UBR4: variants seen among roughly 807,000 people sequenced by gnomAD.
The protein encoded by UBR4 is ubiquitin protein ligase E3 component n-recognin 4, also known as E3 ubiquitin-protein ligase UBR4.
Under a neutral mutation model 575.6 loss-of-function variants are expected in UBR4, and 124 were observed. That is an observed-to-expected ratio of 0.22 (90% CI 0.19 to 0.25). The LOEUF (loss-of-function observed/expected upper bound fraction) is 0.25. UBR4 is among the 10% of genes least tolerant of loss of function. The pLI, the probability that UBR4 is intolerant of heterozygous loss-of-function variation, is 1.00. For missense variants in UBR4, 4,818 were observed against 6,478.8 expected (o/e 0.74, Z 8.80); for synonymous variants, 2,455 against 2,473.7 (o/e 0.99, Z 0.22).
chr1:19,104,003 A>G, intron 87 of UBR4, 81 bp downstream of exon 87: 1 of 1,516,898 alleles, frequency 6.6e-7, no homozygotes, highest in South Asian at 1.3e-5. Context: ...GATCTGTGGA[A>G]CTGGGGGAAA....
At chr1:19,092,745 T>C in intron 97 of UBR4, 74 bp downstream of exon 97, 3 of 1,254,644 alleles carry the variant, frequency 2.4e-6, no homozygotes, top group Admixed American at 4.8e-5. Context: ...TTAGGGTAAG[T>C]CATGTCTCAA....
At chr1:19,162,024 A>G in intron 35 of UBR4, 127 bp from the exon 36 acceptor site, 1 of 1,054,470 alleles carries the variant, frequency 9.5e-7, no homozygotes, top group Non-Finnish European at 1.4e-6. Context: ...GTGGAAATCT[A>G]CCACAACTGG....
chr1:19,194,376 T>C (rs868085175), intron 8 of UBR4, among the ~76,000 whole-genome samples: 1 of 152,278 alleles, frequency 6.6e-6, no homozygotes, highest in African/African-American at 2.4e-5. Context: ...TAGTTCCAGT[T>C]ACTCAGGAGG....
chr1:19,208,292 C>T (rs1475533279), intron 1 of UBR4, among the ~76,000 whole-genome samples: 1 of 151,948 alleles, frequency 6.6e-6, no homozygotes, highest in Non-Finnish European at 1.5e-5. Context: ...ATGGTGAAAC[C>T]TCATCTCTAC....
chr1:19,153,834 C>G lies in UBR4; in HGVS notation c.6564G>C (p.Leu2188=), dbSNP rs1463485248. The change falls in exon 45 of 106, where the codon CTG becomes CTC. Residue 2188 remains leucine, a synonymous_variant. Coordinates refer to ENST00000375254, the MANE Select transcript of UBR4 (RefSeq NM_020765.3). This position sits in a 1 kb window ranked among gnomAD's most constrained non-coding sequence, Gnocchi z 4.1. ...AAGTGTCTGGTTTCACCATAACTAC[C>G]AGCGGCACCCCTGTAGTTTGCTGGA... The part of the protein sequence containing the change: ...CCVQQTTGVP[L]VVMVKPDTFL... 6.2e-7 allele frequency: 1 copy of G among 1,614,138 alleles called. No individual in the cohort carries two copies. The highest frequency in any genetic ancestry group is 2.2e-5 in the East Asian group (1 of 44,880).
At chr1:19,127,839 G>T in intron 62 of UBR4, 100 bp from the exon 63 acceptor site, 1 of 978,966 alleles carries the variant, frequency 1.0e-6, no homozygotes, top group Non-Finnish European at 1.6e-6. Flanking sequence ...GCCCTAAAAT[G>T]TTCCTCAGAT....
chr1:19,153,476 G>A lies in UBR4; in HGVS notation c.6657C>T (p.His2219=). The A allele has an allele frequency of 1.2e-6, 2 of 1,614,108 alleles. No individual in the cohort carries two copies. The highest frequency in any genetic ancestry group is 1.7e-6 in the Non-Finnish European group (2 of 1,180,016). ...TCCGCTGCTGCTCATTGCAGGCCGTGTGCCTAATAGCAACCATGTCTTGGA... is the reference window on the plus strand; with the variant it reads ...TCCGCTGCTGCTCATTGCAGGCCGTATGCCTAATAGCAACCATGTCTTGGA... ...AKIQDMVAIR[H]TACNEQQRTT... The change falls in exon 46 of 106, where the codon CAC becomes CAT. Residue 2219 remains histidine (H), a synonymous_variant. Transcript: ENST00000375254. The surrounding 1 kb of genome is among the most constrained non-coding windows in gnomAD (Gnocchi z 4.1).
intron 18 of UBR4, among the ~76,000 whole-genome samples, chr1:19,178,511 T>C (rs1386755118): frequency 6.6e-6 from 1 of 152,220 alleles, no homozygotes; most frequent in African/African-American, 2.4e-5. Context: ...AATCCAGCAT[T>C]AGAGCTATTT....
In UBR4 at chr1:19,128,227, A is replaced by G. The variant is rs1173003397; in HGVS notation, c.9095T>C (p.Leu3032Ser). 6.2e-7 allele frequency: 1 copy of G among 1,613,876 alleles called. No individual in the cohort carries two copies. Residue 3032 changes from leucine (L) to serine (S), a missense_variant, in exon 62 of 106, where the codon TTG (leucine) becomes TCG (serine). Physicochemically the swap from Leu to Ser is moderately radical, Grantham distance 145 (BLOSUM62 -2). Transcript: ENST00000375254. ...AGATTTTACCTTTTTATCCATACCC[A>G]ACTCAGCAATAAGCTGGGAGAGCAG... ...DNLLSQLIAELGMDKKDVSKK... is the reference protein window; with the variant it reads ...DNLLSQLIAESGMDKKDVSKK...
At chr1:19,168,909 C>T (rs191457752) in intron 27 of UBR4, among the ~76,000 whole-genome samples, 6 of 148,138 alleles carry the variant, frequency 4.1e-5, no homozygotes, top group Admixed American at 6.8e-5. Context: ...ACCCGGGAGG[C>T]GGAGCTTGCA....
Position 19,192,300 on chromosome 1 carries a change from C to A in UBR4, c.1282G>T (p.Ala428Ser). Residue 428 changes from alanine to serine, a missense_variant, in exon 11 of 106, where the codon GCG (alanine) becomes TCG (serine). By Grantham distance (99) the Ala-to-Ser change is moderately conservative. Transcript: ENST00000375254. ...LFLILNLSPT[A>S]LADKGKEKDP... is the part of the protein sequence containing the mutation. ...TTCTCTTTCCCCTTATCAGCCAACG[C>A]AGTAGGACTGAGGTTCAGTATGAGG... 6.2e-7 allele frequency: 1 copy of A among 1,614,102 alleles called. No homozygotes were observed. Among genetic ancestry groups the A allele is most frequent in the African/African-American group, 1.3e-5 (1 of 75,012 alleles).
chr1:19,146,147 T>A, intron 52 of UBR4: 1 of 1,491,540 alleles, frequency 6.7e-7, no homozygotes, highest in Non-Finnish European at 9.0e-7. Context: ...ATGTTAGAAT[T>A]AAGTAGAACG....
At chr1:19,185,792 G>A (rs991089328) in intron 14 of UBR4, among the ~76,000 whole-genome samples, 2 of 151,838 alleles carry the variant, frequency 1.3e-5, no homozygotes, top group South Asian at 2.1e-4. Flanking sequence ...GGCTGGTCTC[G>A]AACTCCTGAC....
chr1:19,122,703 A>C, intron 66 of UBR4, 130 bp downstream of exon 66: 3 of 1,033,094 alleles, frequency 2.9e-6, no homozygotes, highest in Non-Finnish European at 4.3e-6. Flanking sequence ...ATTTACCCTC[A>C]TCTCAGCCCT....
intron 15 of UBR4, 122 bp downstream of exon 15, chr1:19,184,977 C>A (rs1007092682): frequency 8.0e-7 from 1 of 1,250,814 alleles, no homozygotes; most frequent in Admixed American, 2.1e-5. Flanking sequence ...AAGTCCTAAG[C>A]AAAAATATCT....
At position 19,173,225 on chromosome 1, in the gene UBR4, C is replaced by A. The variant is rs1225462962; in HGVS notation, c.3247G>T (p.Val1083Leu). The change falls in exon 24 of 106, where the codon GTG becomes TTG. Residue 1083 changes from valine to leucine, a missense_variant. Coordinates refer to ENST00000375254, the MANE Select transcript of UBR4 (RefSeq NM_020765.3). Reference sequence around the variant, plus strand: ...TCTACTATTTCAACATCATATTTCACTGAGCTACACTTAGTGGTGGATGCC... The same window carrying A: ...TCTACTATTTCAACATCATATTTCAATGAGCTACACTTAGTGGTGGATGCC... Reference protein sequence around the residue: ...ELASTTKCSSVKYDVEIVEEY... With the variant: ...ELASTTKCSSLKYDVEIVEEY... 5 of 1,614,212 alleles carry A rather than the reference C, an allele frequency of 3.1e-6. No individual in the cohort carries two copies. The highest frequency in any genetic ancestry group is 4.2e-6 in the Non-Finnish European group (5 of 1,180,028).
At position 19,153,157 on chromosome 1, in the gene UBR4, C is replaced by G. The variant is rs1180742567; in HGVS notation, c.6832+144G>C. 1.9e-6 allele frequency: 2 copies of G among 1,028,662 alleles called. No homozygotes were observed. Among genetic ancestry groups the G allele is most frequent in the East Asian group, 5.2e-5 (2 of 38,634 alleles). 63.7% of individuals were successfully genotyped at this position (1,028,662 alleles called of 1,614,324 possible). A position where few individuals can be genotyped will look rare whatever the true frequency, so the allele number is the denominator to read the frequency against. On this transcript the variant is annotated intron_variant, in intron 46 of 105. Coordinates refer to ENST00000375254, the MANE Select transcript of UBR4 (RefSeq NM_020765.3). This position sits in a 1 kb window ranked among gnomAD's most constrained non-coding sequence, Gnocchi z 4.1. Reference sequence around the variant, plus strand: ...GTGCTTGACATTTGGAAACATAACTCTGCTTTTGGGAAATTAACTTTACAA... The same window carrying G: ...GTGCTTGACATTTGGAAACATAACTGTGCTTTTGGGAAATTAACTTTACAA...
At chr1:19,171,176 A>G (rs1377386833) in intron 25 of UBR4, among the ~76,000 whole-genome samples, 1 of 151,830 alleles carries the variant, frequency 6.6e-6, no homozygotes, top group Non-Finnish European at 1.5e-5. Flanking sequence ...CAATGTATAC[A>G]GTAAAGGCTC....
chr1:19,134,222 C>CACTG (rs1348141188), intron 60 of UBR4, among the ~76,000 whole-genome samples: 1 of 151,060 alleles, frequency 6.6e-6, no homozygotes, highest in Non-Finnish European at 1.5e-5. Flanking sequence ...CCACTGCACA[C>CACTG]CAGCCTGGGC....
Sources: allele counts gnomAD v4.1 joint callset (sites outside exome capture counted in the v4.1 genomes callset), GRCh38; gene constraint gnomAD v4.1.1; non-coding constraint Gnocchi (gnomAD v3.1); transcripts MANE v1.5; gene names NCBI Gene and HGNC (gene_info 2026-07-23, HGNC 2026-07-21).